GLT8D2: variants seen among roughly 807,000 people sequenced by gnomAD.
The protein encoded by GLT8D2 is glycosyltransferase 8 domain containing 2, also known as glycosyltransferase 8 domain-containing protein 2.
In GLT8D2, 45 loss-of-function variants were observed where a neutral mutation model predicts 44.5. That is an observed-to-expected ratio of 1.01 (90% confidence interval 0.80 to 1.30). The LOEUF (loss-of-function observed/expected upper bound fraction) is 1.30. Among genes scored for constraint, GLT8D2 ranks in the 50% most tolerant of loss-of-function variants. The pLI is 0.00. For synonymous variants in GLT8D2, 156 were observed against 157.2 expected (o/e 0.99, Z 0.06); for missense variants, 400 against 430.4 (o/e 0.93, Z 0.62).
chr12:104,023,585 A>T (rs368774733), intron 1 of GLT8D2, among the ~76,000 whole-genome samples: 1 of 152,120 alleles, frequency 6.6e-6, no homozygotes, highest in African/African-American at 2.4e-5. Flanking sequence ...CTATAGTTCT[A>T]TGGACTTTTA....
At chr12:104,058,869 T>G (rs1184013163) in intron 1 of GLT8D2, among the ~76,000 whole-genome samples, 1 of 152,156 alleles carries the variant, frequency 6.6e-6, no homozygotes, top group Non-Finnish European at 1.5e-5. Flanking sequence ...GGGGATACAT[T>G]CAAAGACCCC....
chr12:104,011,259 A>G (rs1010085771), intron 4 of GLT8D2, among the ~76,000 whole-genome samples: 12 of 152,220 alleles, frequency 7.9e-5, no homozygotes, highest in African/African-American at 2.4e-4. Context: ...TCATTGTACC[A>G]ACTGGTGCCT....
intron 1 of GLT8D2, among the ~76,000 whole-genome samples, chr12:104,023,985 T>C (rs909748245): frequency 6.6e-6 from 1 of 152,224 alleles, no homozygotes; most frequent in Admixed American, 6.5e-5. Context: ...GAATAATACT[T>C]CTGTAAACAC....
At chr12:103,994,181 G>T in intron 9 of GLT8D2, 154 bp downstream of exon 9, 1 of 581,810 alleles carries the variant, frequency 1.7e-6, no homozygotes, top group Non-Finnish European at 2.8e-6. Context: ...GGTTTTAATT[G>T]ACTGCCCCCT....
chr12:104,003,940 G>C (rs1003219532), intron 4 of GLT8D2, among the ~76,000 whole-genome samples: 1 of 151,938 alleles, frequency 6.6e-6, no homozygotes, highest in Non-Finnish European at 1.5e-5. Flanking sequence ...TTCTGCTTCT[G>C]AGATTATATC....
chr12:104,058,253 T>C (rs1463009102), intron 1 of GLT8D2, among the ~76,000 whole-genome samples: 5 of 152,152 alleles, frequency 3.3e-5, no homozygotes, highest in African/African-American at 7.2e-5. Flanking sequence ...CTTTTTACAG[T>C]GTACAGACTG....
intron 1 of GLT8D2, among the ~76,000 whole-genome samples, chr12:104,032,465 G>GAAAAAAAAAAAAAAAAA (rs1421816259): frequency 5.6e-5 from 1 of 17,944 alleles, no homozygotes; most frequent in Non-Finnish European, 9.3e-5. Context: ...ATGTGCAATA[G>GAAAAAAAAAAAAAAAAA]CAAAAAAAAA....
chr12:104,052,254 T>C (rs1220915660), upstream of GLT8D2, among the ~76,000 whole-genome samples: 1 of 152,242 alleles, frequency 6.6e-6, no homozygotes, highest in Non-Finnish European at 1.5e-5. Flanking sequence ...TTCTTAGATA[T>C]GAACTTTGAA....
intron 1 of GLT8D2, among the ~76,000 whole-genome samples, chr12:104,047,021 G>C (rs1046826332): frequency 1.3e-5 from 2 of 152,040 alleles, no homozygotes; most frequent in Non-Finnish European, 2.9e-5. Context: ...TAGAGACAGA[G>C]TCTTGCTATG....
At chr12:104,028,864 T>G (rs1358354198) in intron 1 of GLT8D2, among the ~76,000 whole-genome samples, 4 of 152,080 alleles carry the variant, frequency 2.6e-5, no homozygotes, top group Non-Finnish European at 4.4e-5. Context: ...GATAACGTCA[T>G]GGTCAAATCC....
chr12:104,048,225 A>C (rs989646322), intron 1 of GLT8D2, among the ~76,000 whole-genome samples: 1 of 152,266 alleles, frequency 6.6e-6, no homozygotes. Flanking sequence ...AAGTGTGTCC[A>C]GAATAGCACA....
At chr12:104,015,211 G>A in intron 3 of GLT8D2, 106 bp from the exon 4 acceptor site, 1 of 765,414 alleles carries the variant, frequency 1.3e-6, no homozygotes, top group Non-Finnish European at 2.2e-6. Context: ...ACACAGAGGA[G>A]TGGTATCTGA....
intron 5 of GLT8D2, among the ~76,000 whole-genome samples, chr12:104,002,270 T>C (rs1447770528): frequency 6.6e-6 from 1 of 152,242 alleles, no homozygotes. Flanking sequence ...ACAACACCTT[T>C]TCATGTTTAT....
rs1480152352 is a variant in GLT8D2 at position 104,015,390 on chromosome 12, ACAAACAC to A, written c.20-292_20-286del. ...AGAGTGGGACCCTGTCTCAACAACAACAAACACACACACACACACACACACACACACA... is the reference window on the plus strand; with the variant it reads ...AGAGTGGGACCCTGTCTCAACAACAAACACACACACACACACACACACACA... On this transcript the variant is annotated intron_variant, in intron 3 of 10. Coordinates refer to ENST00000360814, the MANE Select transcript of GLT8D2 (RefSeq NM_001384711.1). Among the ~76,000 whole-genome samples the A allele has an allele frequency of 8.4e-5, 10 of 119,434 alleles. No individual in the cohort carries two copies. In the Admixed American group the frequency reaches 8.6e-4, roughly 10 times the overall value. 78.4% of individuals were successfully genotyped at this position (119,434 alleles called of 152,430 possible). A position where few individuals can be genotyped will look rare whatever the true frequency, so the allele number is the denominator to read the frequency against.
chr12:104,033,500 G>A (rs563454357), intron 1 of GLT8D2, among the ~76,000 whole-genome samples: 4 of 152,254 alleles, frequency 2.6e-5, no homozygotes, highest in African/African-American at 9.6e-5. Context: ...GGACAGAGAG[G>A]TGGGGAAATG....
At chr12:103,997,044 G>T (rs1302374615) in intron 7 of GLT8D2, among the ~76,000 whole-genome samples, 197 bp from the exon 8 acceptor site, 1 of 152,138 alleles carries the variant, frequency 6.6e-6, no homozygotes, top group Non-Finnish European at 1.5e-5. Flanking sequence ...GTTCAAACTG[G>T]CACTGATCTA....
At chr12:104,011,866 G>T (rs1875867540) in intron 4 of GLT8D2, among the ~76,000 whole-genome samples, 1 of 151,724 alleles carries the variant, frequency 6.6e-6, no homozygotes, top group African/African-American at 2.4e-5. Context: ...CTTCTTAATG[G>T]TAATACTAAA....
chr12:104,034,027 G>A (rs951090287), intron 1 of GLT8D2, among the ~76,000 whole-genome samples: 3 of 152,022 alleles, frequency 2.0e-5, no homozygotes, highest in Non-Finnish European at 4.4e-5. Flanking sequence ...CAATAAAGCT[G>A]AAGAAAGCAA....
intron 1 of GLT8D2, among the ~76,000 whole-genome samples, chr12:104,038,733 T>G (rs548554187): frequency 3.0e-4 from 46 of 152,304 alleles, no homozygotes; most frequent in African/African-American, 1.1e-3. Context: ...AGGTAACTTA[T>G]AGATTCAATG....
Sources: allele counts gnomAD v4.1 joint callset (sites outside exome capture counted in the v4.1 genomes callset), GRCh38; gene constraint gnomAD v4.1.1; transcripts MANE v1.5; gene names NCBI Gene and HGNC (gene_info 2026-07-23, HGNC 2026-07-21).